ATXN7L1: variants seen among roughly 807,000 people sequenced by gnomAD.
The protein encoded by ATXN7L1 is ataxin 7 like 1, also known as ataxin-7-like protein 1.
Under a neutral mutation model 70.8 loss-of-function variants are expected in ATXN7L1, and 15 were observed. That is an observed-to-expected ratio of 0.21 (90% CI 0.14 to 0.33). The LOEUF is 0.33. Ranked by LOEUF, ATXN7L1 falls within the 10% of genes least tolerant of loss-of-function variation. The pLI is 1.00. For missense variants in ATXN7L1, 975 were observed against 1,097.1 expected, an observed-to-expected ratio of 0.89 and a Z score of 1.57; for synonymous variants, 440 against 445.1, an observed-to-expected ratio of 0.99 and a Z score of 0.14.
intron 3 of ATXN7L1, among the ~76,000 whole-genome samples, chr7:105,692,127 G>T (rs938517933): frequency 2.0e-5 from 3 of 152,274 alleles, no homozygotes; most frequent in Non-Finnish European, 4.4e-5. Flanking sequence ...CTACTTTATT[G>T]GTGGGGTGGG....
At chr7:105,819,890 A>G (rs569206090) in intron 2 of ATXN7L1, 101 of 564,256 alleles carry the variant, frequency 1.8e-4, no homozygotes, top group South Asian at 1.4e-3. Context: ...CCTACAAGAA[A>G]CTTTGCCTAC....
chr7:105,701,613 A>G (rs1206829766), intron 3 of ATXN7L1, among the ~76,000 whole-genome samples: 1 of 152,212 alleles, frequency 6.6e-6, no homozygotes, highest in African/African-American at 2.4e-5. Context: ...TCCTATTTGC[A>G]CCCCATCCCA....
rs147945044 is a variant in ATXN7L1, at chr7:105,732,311, G to A, written c.355+56293C>T. Among the ~76,000 whole-genome samples the A allele has an allele frequency of 1.9e-3, 288 of 152,258 alleles. 1 individual carries two copies. The highest frequency in any genetic ancestry group is 6.7e-3 in the African/African-American group (277 of 41,548). Reference sequence around the variant, plus strand: ...GCCTGTAGTCCCATCTACTCAGGATGCTGAGGCAGGAGCATTGCTTGAACC... The same window carrying A: ...GCCTGTAGTCCCATCTACTCAGGATACTGAGGCAGGAGCATTGCTTGAACC... On this transcript the variant is annotated intron_variant, in intron 3 of 11. Transcript: ENST00000419735.
At chr7:105,728,471 GAGTATGAACTCATGCTTA>G (rs1454736415) in intron 3 of ATXN7L1, among the ~76,000 whole-genome samples, 2 of 152,198 alleles carry the variant, frequency 1.3e-5, no homozygotes, top group African/African-American at 4.8e-5. Flanking sequence ...TAATTGGTTA[GAGTATGAACTCATGCTTA>G]ATATAGATAT....
At chr7:105,763,461 T>G (rs1310461547) in intron 3 of ATXN7L1, among the ~76,000 whole-genome samples, 1 of 152,194 alleles carries the variant, frequency 6.6e-6, no homozygotes, top group Admixed American at 6.5e-5. Context: ...CAGAGGGCAG[T>G]CTTCCTCAGG....
At chr7:105,737,767 G>A (rs1467593467) in intron 3 of ATXN7L1, among the ~76,000 whole-genome samples, 1 of 152,178 alleles carries the variant, frequency 6.6e-6, no homozygotes, top group Non-Finnish European at 1.5e-5. Context: ...GGCGGAAGGA[G>A]TAACAACAGC....
At chr7:105,871,222 C>A (rs1034233504) in intron 2 of ATXN7L1, among the ~76,000 whole-genome samples, 1 of 151,920 alleles carries the variant, frequency 6.6e-6, no homozygotes, top group African/African-American at 2.4e-5. Flanking sequence ...GTTCCACCCC[C>A]CTTTCTTTAA....
intron 4 of ATXN7L1, among the ~76,000 whole-genome samples, chr7:105,646,384 G>A (rs917486053): frequency 6.6e-6 from 1 of 152,042 alleles, no homozygotes; most frequent in Non-Finnish European, 1.5e-5. Flanking sequence ...GATTTTGGGG[G>A]GCCAGGGTGA....
In ATXN7L1 at chr7:105,614,079, A is replaced by T. The variant is rs1456357776; in HGVS notation, c.2255T>A (p.Leu752His). 6.4e-7 allele frequency: 1 copy of T among 1,551,774 alleles called. No homozygotes were observed. The highest frequency in any genetic ancestry group is 2.4e-5 in the East Asian group (1 of 40,924). Residue 752 changes from leucine (L) to histidine (H), a missense_variant, in exon 10 of 12, where the codon CTC (leucine) becomes CAC (histidine). Physicochemically the swap from Leu to His is moderately conservative, Grantham distance 99. This residue lies in a region of ATXN7L1 where 635 missense variants were observed against 699.4 expected (regional missense o/e 0.91). Coordinates refer to ENST00000419735, the MANE Select transcript of ATXN7L1 (RefSeq NM_020725.2). The surrounding 1 kb of genome is among the most constrained non-coding windows in gnomAD (Gnocchi z 4.3). Reference sequence around the variant, plus strand: ...GGCCAGAGAGAGGTCCCCTGCGTGGAGCGCAAGGGAGGGCACAGAGAGGGG... The same window carrying T: ...GGCCAGAGAGAGGTCCCCTGCGTGGTGCGCAAGGGAGGGCACAGAGAGGGG... ...SCPLSVPSLA[L>H]HAGDLSLASH...
At chr7:105,804,953 G>A (rs1172918704) in intron 2 of ATXN7L1, among the ~76,000 whole-genome samples, 1 of 152,212 alleles carries the variant, frequency 6.6e-6, no homozygotes, top group East Asian at 1.9e-4. Flanking sequence ...AGGCAGGGAA[G>A]TAACAAGAAC....
intron 2 of ATXN7L1, among the ~76,000 whole-genome samples, chr7:105,789,528 C>T (rs1413139797): frequency 6.6e-6 from 1 of 152,090 alleles, no homozygotes; most frequent in Admixed American, 6.6e-5. Context: ...GGGGGCAGGT[C>T]ATCTGAGACT....
chr7:105,784,704 A>T (rs1804032791), intron 3 of ATXN7L1, among the ~76,000 whole-genome samples: 1 of 152,202 alleles, frequency 6.6e-6, no homozygotes, highest in Non-Finnish European at 1.5e-5. Flanking sequence ...TCATCCCAGC[A>T]ACCCCCTGAG....
intron 5 of ATXN7L1, among the ~76,000 whole-genome samples, chr7:105,640,540 T>A (rs538274341): frequency 6.6e-6 from 1 of 152,306 alleles, no homozygotes; most frequent in Non-Finnish European, 1.5e-5. Context: ...CTTTTTTTCA[T>A]TTTTATTTTT....
intron 3 of ATXN7L1, among the ~76,000 whole-genome samples, chr7:105,713,211 C>T (rs773913449): frequency 6.6e-6 from 1 of 152,184 alleles, no homozygotes; most frequent in African/African-American, 2.4e-5. Context: ...CCAATCACCT[C>T]CCACCAAGCC....
chr7:105,754,544 T>C (rs1194553136), intron 3 of ATXN7L1, among the ~76,000 whole-genome samples: 1 of 152,162 alleles, frequency 6.6e-6, no homozygotes, highest in Admixed American at 6.5e-5. Context: ...CATCGCAGTC[T>C]CAAATTCCTG....
At chr7:105,799,088 A>G (rs1806417251) in intron 2 of ATXN7L1, among the ~76,000 whole-genome samples, 1 of 152,256 alleles carries the variant, frequency 6.6e-6, no homozygotes, top group Non-Finnish European at 1.5e-5. Context: ...CCAACACAGC[A>G]TTCTGAGAGA....
At chr7:105,803,953 AC>A (rs1807194296) in intron 2 of ATXN7L1, among the ~76,000 whole-genome samples, 1 of 152,034 alleles carries the variant, frequency 6.6e-6, no homozygotes, top group Admixed American at 6.5e-5. Flanking sequence ...GGAACCCTCC[AC>A]AGGTAAGGGA....
intron 3 of ATXN7L1, among the ~76,000 whole-genome samples, chr7:105,773,877 G>A (rs1052603603): frequency 4.6e-5 from 7 of 151,980 alleles, no homozygotes; most frequent in African/African-American, 1.7e-4. Context: ...GGGAGAAGTG[G>A]TTAAAAAAAA....
rs193031990 is a variant in ATXN7L1, at chr7:105,620,212, G to A, written c.1505C>T (p.Ser502Leu). The change falls in exon 9 of 12, where the codon TCA (serine) becomes TTA (leucine). Residue 502 changes from serine to leucine, a missense_variant. Ser to Leu is a moderately radical substitution (Grantham distance 145). This residue lies in a region of ATXN7L1 where 635 missense variants were observed against 699.4 expected (regional missense o/e 0.91). Transcript: ENST00000419735. Reference protein sequence around the residue: ...LNSMVEKHLNSQMWKKIPPAA... With the variant: ...LNSMVEKHLNLQMWKKIPPAA... ...GCTGCTCACTTACTTCCACATCTGT[G>A]AATTCAGGTGTTTTTCTACCATGGA... The A allele has an allele frequency of 1.3e-6, 2 of 1,551,276 alleles. No individual in the cohort carries two copies. Among genetic ancestry groups the A allele is most frequent in the Admixed American group, 3.9e-5 (2 of 50,992 alleles).
Sources: allele counts gnomAD v4.1 joint callset (sites outside exome capture counted in the v4.1 genomes callset), GRCh38; gene constraint gnomAD v4.1.1; regional missense constraint gnomAD v4.1.1; non-coding constraint Gnocchi (gnomAD v3.1); transcripts MANE v1.5; gene names NCBI Gene and HGNC (gene_info 2026-07-23, HGNC 2026-07-21).